The following VEGFB variants were observed in gnomAD, a reference collection of about 807,000 sequenced individuals.
VEGFB encodes the protein VEGF-related factor.
Under a neutral mutation model 22.5 loss-of-function variants are expected in VEGFB, and 24 were observed. The observed-to-expected ratio is 1.07, with a 90% CI of 0.77 to 1.50. VEGFB has a LOEUF of 1.50. Among genes scored for constraint, VEGFB ranks in the 40% most tolerant of loss-of-function variants. The pLI is 0.00. For missense variants in VEGFB, 327 were observed against 287.8 expected (o/e 1.14, Z -0.99); for synonymous variants, 141 against 117.4 (o/e 1.20, Z -1.30).
Position 64,238,383 on chromosome 11 carries a change from G to A in VEGFB, c.*50G>A. The A allele has an allele frequency of 6.5e-7, 1 of 1,536,172 alleles. No individual in the cohort carries two copies. Among genetic ancestry groups the A allele is most frequent in the Non-Finnish European group, 8.7e-7 (1 of 1,146,868 alleles). On this transcript the variant is annotated 3_prime_UTR_variant, in exon 7 of 7. Coordinates refer to ENST00000309422, the MANE Select transcript of VEGFB (RefSeq NM_003377.5). ...GCCGGAAGCTGCGAAGGTGACACAT[G>A]GCTTTTCAGACTCAGCAGGGTGACT... is the stretch of plus-strand genomic sequence containing the variant.
Position 64,237,466 on chromosome 11 carries a change from T to G in VEGFB, c.457T>G (p.Trp153Gly). 6.2e-7 allele frequency: 1 copy of G among 1,611,998 alleles called. No individual in the cohort carries two copies. The highest frequency in any genetic ancestry group is 1.1e-5 in the South Asian group (1 of 90,984). ...HRPQPRSVPG[W>G]DSAPGAPSPA... ...TCCCCAGCCCCGTTCTGTTCCGGGC[T>G]GGGACTCTGCCCCCGGAGCACCCTC... Residue 153 changes from tryptophan (W) to glycine (G), a missense_variant, in exon 6 of 7, where the codon TGG becomes GGG. Physicochemically the swap from Trp to Gly is radical, Grantham distance 184. Coordinates refer to ENST00000309422, the MANE Select transcript of VEGFB (RefSeq NM_003377.5).
chr11:64,238,246 G>T, intron 6 of VEGFB, 110 bp from the exon 7 acceptor site: 2 of 1,373,132 alleles, frequency 1.5e-6, no homozygotes, highest in South Asian at 2.5e-5. Context: ...AGGGCCGAGT[G>T]GTGTGGCAGG....
At chr11:64,235,599 T>C (rs573432742) in intron 2 of VEGFB, 99 bp downstream of exon 2, 69 of 1,369,732 alleles carry the variant, frequency 5.0e-5, no homozygotes, top group Non-Finnish European at 6.8e-5. Context: ...CCCTAGAAGA[T>C]TCAAACTATT....
rs370156059 is a variant in VEGFB, at chr11:64,236,356, G to C, written c.374+29G>C. On this transcript the variant is annotated intron_variant, in intron 4 of 6. Coordinates refer to ENST00000309422, the MANE Select transcript of VEGFB (RefSeq NM_003377.5). ...CCAGCCAGGCCCAACTTCTGAGCTC[G>C]CAGAGGCCAGGCTTGGGGGGTGCTG... 121 of 1,608,854 alleles carry C rather than the reference G, an allele frequency of 7.5e-5. No individual in the cohort carries two copies. In the East Asian group the frequency reaches 2.6e-3, roughly 35 times the overall value.
chr11:64,236,797 G>C (rs1008372908), intron 4 of VEGFB, among the ~76,000 whole-genome samples: 1 of 148,604 alleles, frequency 6.7e-6, no homozygotes, highest in African/African-American at 2.5e-5. Flanking sequence ...AGGATGCTTG[G>C]GCCGGGGGTA....
At chr11:64,237,083 CAAAGAGAGAGAGAGAGAGAGAGAG>C in intron 4 of VEGFB, 80 bp from the exon 5 acceptor site, 1 of 649,252 alleles carries the variant, frequency 1.5e-6, no homozygotes, top group Non-Finnish European at 2.2e-6. Context: ...AACACAGTCT[CAAAGAGAGAGAGAGAGAGAGAGAG>C]AGAGAGAGAG....
At chr11:64,236,529 C>G (rs1235119081) in intron 4 of VEGFB, among the ~76,000 whole-genome samples, 5 of 151,094 alleles carry the variant, frequency 3.3e-5, no homozygotes. Flanking sequence ...TCCTGGCTAA[C>G]ATGGTAAAAA....
intron 4 of VEGFB, among the ~76,000 whole-genome samples, chr11:64,236,858 C>T (rs549466677): frequency 3.4e-5 from 5 of 149,164 alleles, no homozygotes; most frequent in South Asian, 2.1e-4. Context: ...GCAGGCAGAT[C>T]ACCTGAGGTA....
At chr11:64,235,652 T>C in intron 2 of VEGFB, 152 bp downstream of exon 2, 1 of 1,247,174 alleles carries the variant, frequency 8.0e-7, no homozygotes, top group Non-Finnish European at 1.1e-6. Flanking sequence ...GCAGTGGGGT[T>C]ACTGGGATCT....
chr11:64,237,242 G>A lies in VEGFB; in HGVS notation c.410+20G>A, dbSNP rs778939920. ...AGACAGGTGAGTCTTTTGGACTCCA[G>A]CTGAGTAGGGGTATGGGGAGTACAA... On this transcript the variant is annotated intron_variant, in intron 5 of 6. Transcript: ENST00000309422. 2 of 1,606,522 alleles carry A rather than the reference G, an allele frequency of 1.2e-6. No homozygotes were observed. The highest frequency in any genetic ancestry group is 1.7e-5 in the Admixed American group (1 of 59,916).
At chr11:64,236,837 G>C (rs2030070757) in intron 4 of VEGFB, among the ~76,000 whole-genome samples, 1 of 149,516 alleles carries the variant, frequency 6.7e-6, no homozygotes, top group South Asian at 2.1e-4. Flanking sequence ...CCAGCACTTT[G>C]GGAGGCCCAG....
chr11:64,236,205 C>T, intron 3 of VEGFB, 49 bp from the exon 4 acceptor site: 6 of 1,602,634 alleles, frequency 3.7e-6, no homozygotes, highest in Non-Finnish European at 5.1e-6. Context: ...TAGAGCATCC[C>T]CTTTCTCTCT....
chr11:64,235,005 T>A, intron 1 of VEGFB, 112 bp downstream of exon 1: 1 of 936,480 alleles, frequency 1.1e-6, no homozygotes, highest in Non-Finnish European at 1.4e-6. Flanking sequence ...GGGTCCGGCC[T>A]TGGACGCGGG....
chr11:64,236,178 T>G, intron 3 of VEGFB, 76 bp from the exon 4 acceptor site: 1 of 1,575,624 alleles, frequency 6.3e-7, no homozygotes, highest in Non-Finnish European at 8.7e-7. Context: ...TTGGGTGAGC[T>G]TTTCTCCCTT....
intron 2 of VEGFB, 58 bp downstream of exon 2, chr11:64,235,558 G>T: frequency 6.5e-7 from 1 of 1,540,406 alleles, no homozygotes; most frequent in Non-Finnish European, 9.0e-7. Context: ...CATGGGCCCT[G>T]ATTCCAGGTG....
Position 64,234,893 on chromosome 11 carries a change from G to C in VEGFB, c.60G>C (p.Gln20His), listed in dbSNP as rs774332385. The C allele has an allele frequency of 1.5e-6, 2 of 1,300,684 alleles. No individual in the cohort carries two copies. Among genetic ancestry groups the C allele is most frequent in the African/African-American group, 1.5e-5 (1 of 64,786 alleles). 80.6% of individuals were successfully genotyped at this position (1,300,684 alleles called of 1,614,324 possible). The change falls in exon 1 of 7, where the codon CAG becomes CAC. Residue 20 changes from glutamine to histidine, a missense_variant and splice_region_variant. Physicochemically the swap from Gln to His is conservative, Grantham distance 24. Coordinates refer to ENST00000309422, the MANE Select transcript of VEGFB (RefSeq NM_003377.5). The surrounding 1 kb of genome is among the most constrained non-coding windows in gnomAD (Gnocchi z 5.3). Reference protein sequence around the residue: ...LAALLQLAPAQAPVSQPDAPG... With the variant: ...LAALLQLAPAHAPVSQPDAPG... Reference sequence around the variant, plus strand: ...CACTCCTGCAGCTGGCCCCCGCCCAGGTACGTGCGGCCCGACAGCGCGCCC... The same window carrying C: ...CACTCCTGCAGCTGGCCCCCGCCCACGTACGTGCGGCCCGACAGCGCGCCC...
In VEGFB at chr11:64,237,474, T is replaced by C. The variant is rs1328183425; in HGVS notation, c.465T>C (p.Ser155=). The part of the protein sequence containing the change: ...PQPRSVPGWD[S]APGAPSPADI... ...CCCGTTCTGTTCCGGGCTGGGACTC[T>C]GCCCCCGGAGCACCCTCCCCAGCTG... Residue 155 remains serine, a synonymous_variant, in exon 6 of 7, where the codon TCT becomes TCC. Coordinates refer to ENST00000309422, the MANE Select transcript of VEGFB (RefSeq NM_003377.5). 3.7e-6 allele frequency: 6 copies of C among 1,611,996 alleles called. No individual in the cohort carries two copies. In the East Asian group the frequency reaches 6.7e-5, roughly 18 times the overall value.
rs374086619 is a variant in VEGFB, at chr11:64,236,013, C to A, written c.300+4C>A. The A allele has an allele frequency of 1.9e-4, 303 of 1,581,368 alleles. No individual in the cohort carries two copies. Among genetic ancestry groups the A allele is most frequent in the Non-Finnish European group, 2.5e-4 (292 of 1,164,118 alleles). ...GCAGCACCAAGTCCGGATGCAGGTA[C>A]TGGGCAGGTGGGGCAACGGGCAGGG... On this transcript the variant is annotated splice_donor_region_variant and intron_variant, in intron 3 of 6. Transcript: ENST00000309422.
chr11:64,238,391 A>T lies in VEGFB; in HGVS notation c.*58A>T. ...CTGCGAAGGTGACACATGGCTTTTC[A>T]GACTCAGCAGGGTGACTTGCCTCAG... On this transcript the variant is annotated 3_prime_UTR_variant, in exon 7 of 7. Coordinates refer to ENST00000309422, the MANE Select transcript of VEGFB (RefSeq NM_003377.5). The T allele has an allele frequency of 6.5e-7, 1 of 1,536,128 alleles. No homozygotes were observed. Among genetic ancestry groups the T allele is most frequent in the Non-Finnish European group, 8.7e-7 (1 of 1,146,862 alleles).
Sources: gnomAD v4.1 joint callset for allele counts (sites outside exome capture counted in the v4.1 genomes callset) on GRCh38, gnomAD v4.1.1 for gene constraint, Gnocchi (gnomAD v3.1) non-coding constraint, MANE v1.5 for transcripts, NCBI Gene and HGNC (gene_info 2026-07-23, HGNC 2026-07-21) for gene names.